Variants in LRMDA observed in about 807,000 individuals in gnomAD.
The protein encoded by LRMDA is leucine-rich melanocyte differentiation-associated protein.
Under a neutral mutation model 29.8 loss-of-function variants are expected in LRMDA, and 18 were observed. The observed-to-expected ratio is 0.60, with a 90% confidence interval of 0.42 to 0.90. LRMDA has a LOEUF of 0.90. Among genes scored for constraint, LRMDA ranks in the 40% least tolerant of loss-of-function variants. The pLI, the probability that LRMDA is intolerant of heterozygous loss-of-function variation, is 0.00. For missense variants in LRMDA, 273 were observed against 273.9 expected (o/e 1.00, Z 0.02); for synonymous variants, 125 against 109.4 (o/e 1.14, Z -0.89).
chr10:75,597,179 C>G (rs1015141023), intron 2 of LRMDA, among the ~76,000 whole-genome samples: 3 of 152,112 alleles, frequency 2.0e-5, no homozygotes, highest in African/African-American at 7.2e-5. Flanking sequence ...TCCAGTCCTT[C>G]TTTTGTAATA....
At chr10:76,447,432 T>G (rs1842364604) in intron 6 of LRMDA, among the ~76,000 whole-genome samples, 1 of 152,182 alleles carries the variant, frequency 6.6e-6, no homozygotes, top group African/African-American at 2.4e-5. Flanking sequence ...GGTTTTGAAT[T>G]TTAGGTTGCT....
intron 2 of LRMDA, among the ~76,000 whole-genome samples, chr10:75,742,413 G>A (rs1334426047): frequency 1.3e-5 from 2 of 152,204 alleles, no homozygotes; most frequent in Non-Finnish European, 2.9e-5. Context: ...GTGGCAAAGA[G>A]CCTACTGTGT....
In LRMDA at chr10:76,095,772, G is replaced by T. The variant is rs192686409; in HGVS notation, c.516+36989G>T. Among the ~76,000 whole-genome samples, 40 of 152,212 alleles carry T rather than the reference G, an allele frequency of 2.6e-4. No individual in the cohort carries two copies. In the East Asian group the frequency reaches 7.7e-3, roughly 29 times the overall value. On this transcript the variant is annotated intron_variant, in intron 5 of 6. Transcript: ENST00000611255. ...AATTTGCATTTTCTTAATGACTAATGATGTTGGGTACCTTTTCATATGCTT... is the reference window on the plus strand; with the variant it reads ...AATTTGCATTTTCTTAATGACTAATTATGTTGGGTACCTTTTCATATGCTT...
intron 5 of LRMDA, among the ~76,000 whole-genome samples, chr10:76,164,486 A>G (rs11001651): frequency 0.18 from 27,954 of 152,112 alleles, 3,101 homozygotes; most frequent in East Asian, 0.52. Context: ...GTTTGTTTTT[A>G]CATATGAGCT....
At chr10:76,137,559 A>G (rs1850118419) in intron 5 of LRMDA, among the ~76,000 whole-genome samples, 2 of 152,070 alleles carry the variant, frequency 1.3e-5, no homozygotes, top group South Asian at 4.1e-4. Context: ...ATACTTCCCT[A>G]AAGAGGGTTA....
In LRMDA at chr10:75,785,603, A is replaced by G. The variant is rs1226612876; in HGVS notation, c.132-250405A>G. ...TCCTGATTCCATCCTTATTAGATAAAGCGTGGCCTGTGTTATCTAACTGAC... is the reference window on the plus strand; with the variant it reads ...TCCTGATTCCATCCTTATTAGATAAGGCGTGGCCTGTGTTATCTAACTGAC... On this transcript the variant is annotated intron_variant, in intron 2 of 6. Coordinates refer to ENST00000611255, the MANE Select transcript of LRMDA (RefSeq NM_001305581.2). 2.6e-5 allele frequency among the ~76,000 whole-genome samples: 4 copies of G among 152,326 alleles called. No homozygotes were observed. In the South Asian group the frequency reaches 6.2e-4, roughly 24 times the overall value.
intron 2 of LRMDA, among the ~76,000 whole-genome samples, chr10:75,775,023 C>T (rs1843292679): frequency 6.6e-6 from 1 of 152,232 alleles, no homozygotes; most frequent in South Asian, 2.1e-4. Flanking sequence ...ATTCACTTAG[C>T]TCTGTCCTAG....
At chr10:76,062,710 G>T (rs997419349) in intron 5 of LRMDA, among the ~76,000 whole-genome samples, 2 of 145,466 alleles carry the variant, frequency 1.4e-5, no homozygotes, top group African/African-American at 5.0e-5. Context: ...TTAGTTGATG[G>T]ACCTGCAACA....
intron 6 of LRMDA, among the ~76,000 whole-genome samples, chr10:76,363,176 A>AGAAAGAAAGAAGGAGGGAG (rs1459442138): frequency 4.1e-4 from 9 of 21,794 alleles, no homozygotes; most frequent in Non-Finnish European, 8.1e-4. Flanking sequence ...AAAGAAAGAA[A>AGAAAGAAAGAAGGAGGGAG]GGAGGGAGGG....
chr10:76,046,105 G>C (rs1242748589), intron 3 of LRMDA, among the ~76,000 whole-genome samples: 1 of 147,692 alleles, frequency 6.8e-6, no homozygotes, highest in African/African-American at 2.5e-5. Flanking sequence ...CCATTCCCTG[G>C]CTGGGACCCC....
intron 6 of LRMDA, among the ~76,000 whole-genome samples, chr10:76,427,628 C>T (rs902795193): frequency 1.3e-5 from 2 of 152,094 alleles, no homozygotes; most frequent in Admixed American, 6.6e-5. Flanking sequence ...TGGCCAGAAC[C>T]TCCAACACTA....
At chr10:76,138,859 G>T (rs1203734112) in intron 5 of LRMDA, among the ~76,000 whole-genome samples, 2 of 152,086 alleles carry the variant, frequency 1.3e-5, no homozygotes, top group Non-Finnish European at 2.9e-5. Context: ...TAGTGGCGAG[G>T]TGTTTAAAAC....
At chr10:76,533,192 A>G (rs917897439) in intron 6 of LRMDA, among the ~76,000 whole-genome samples, 3 of 152,220 alleles carry the variant, frequency 2.0e-5, no homozygotes, top group Non-Finnish European at 2.9e-5. Flanking sequence ...AAACACCTGT[A>G]AAGTGTAACT....
At position 76,000,030 on chromosome 10, in the gene LRMDA, C is replaced by CA. The variant is rs200320720; in HGVS notation, c.132-35970dup. On this transcript the variant is annotated intron_variant, in intron 2 of 6. Coordinates refer to ENST00000611255, the MANE Select transcript of LRMDA (RefSeq NM_001305581.2). ...CTCTTTGATTCAATAATTTGTCTGT[C>CA]AAAAAAAAGCTGGGCTGACATTCTC... Among the ~76,000 whole-genome samples, 769 of 151,506 alleles carry CA rather than the reference C, an allele frequency of 5.1e-3. 3 individuals carry two copies. Among genetic ancestry groups the CA allele is most frequent in the Middle Eastern group, 0.014 (4 of 294 alleles).
intron 2 of LRMDA, among the ~76,000 whole-genome samples, chr10:75,989,696 G>A (rs1053749141): frequency 3.9e-5 from 6 of 152,194 alleles, no homozygotes; most frequent in Admixed American, 1.3e-4. Flanking sequence ...AGGTAGGCTA[G>A]GAAGGTTTTA....
chr10:76,472,863 T>C (rs1396044776), intron 6 of LRMDA, among the ~76,000 whole-genome samples: 1 of 151,418 alleles, frequency 6.6e-6, no homozygotes. Flanking sequence ...TTGATTGAGT[T>C]TGTAAACAAA....
At position 76,514,460 on chromosome 10, in the gene LRMDA, A is replaced by G. The variant is rs185522499; in HGVS notation, c.602-42749A>G. Among the ~76,000 whole-genome samples, 471 of 152,326 alleles carry G rather than the reference A, an allele frequency of 3.1e-3. 1 individual carries two copies. The highest frequency in any genetic ancestry group is 0.02 in the Middle Eastern group (6 of 294). On this transcript the variant is annotated intron_variant, in intron 6 of 6. Coordinates refer to ENST00000611255, the MANE Select transcript of LRMDA (RefSeq NM_001305581.2). Reference sequence around the variant, plus strand: ...GGACAATGCCACAAAAGCACCAGGAAGGTGTGAAAATATTCATTACATCAT... The same window carrying G: ...GGACAATGCCACAAAAGCACCAGGAGGGTGTGAAAATATTCATTACATCAT...
intron 6 of LRMDA, among the ~76,000 whole-genome samples, chr10:76,486,401 G>T (rs933000834): frequency 2.0e-5 from 3 of 151,832 alleles, no homozygotes; most frequent in Non-Finnish European, 4.4e-5. Flanking sequence ...CCTTCACTGC[G>T]GTGGTTTTTG....
intron 2 of LRMDA, among the ~76,000 whole-genome samples, chr10:75,838,293 A>G (rs1844477834): frequency 6.6e-6 from 1 of 152,230 alleles, no homozygotes; most frequent in Non-Finnish European, 1.5e-5. Flanking sequence ...AATATCCAGC[A>G]TTGCAAATCC....
Sources: gnomAD v4.1 joint callset for allele counts (sites outside exome capture counted in the v4.1 genomes callset) on GRCh38, gnomAD v4.1.1 for gene constraint, MANE v1.5 for transcripts, NCBI Gene and HGNC (gene_info 2026-07-23, HGNC 2026-07-21) for gene names.